The following ACOT11 variants were observed in gnomAD, a reference collection of about 807,000 sequenced individuals.
The protein encoded by ACOT11 is acyl-CoA thioesterase 11, also known as acyl-coenzyme A thioesterase 11.
ACOT11 carries 69 observed loss-of-function variants against 77.5 expected under a neutral mutation model. The ratio of observed to expected loss-of-function variants is 0.89; its 90% CI spans 0.73 to 1.09. ACOT11 has a LOEUF of 1.09. Ranked by LOEUF, ACOT11 falls within the 50% of genes least tolerant of loss-of-function variation. The pLI, the probability that ACOT11 is intolerant of heterozygous loss-of-function variation, is 0.00. For missense variants in ACOT11, 766 were observed against 813.7 expected, an observed-to-expected ratio of 0.94 and a Z score of 0.71; for synonymous variants, 279 against 313.0, an observed-to-expected ratio of 0.89 and a Z score of 1.15.
intron 1 of ACOT11, among the ~76,000 whole-genome samples, chr1:54,578,572 T>C (rs1354893856): frequency 6.6e-6 from 1 of 152,192 alleles, no homozygotes; most frequent in Admixed American, 6.5e-5. Context: ...TTAGTGAAGA[T>C]TTTCAGATTC....
Position 54,594,553 on chromosome 1 carries a change from C to G in ACOT11, c.472-3C>G, listed in dbSNP as rs1178719221. ...GTCCCCCACCCTGTCCCCTGGCCGA[C>G]AGGTGAAGCTGAAGCAGATCACGCC... is the stretch of plus-strand genomic sequence containing the variant. On this transcript the variant is annotated splice_region_variant and splice_polypyrimidine_tract_variant and intron_variant, in intron 5 of 15. Transcript: ENST00000343744. 1.9e-6 allele frequency: 3 copies of G among 1,611,808 alleles called. No homozygotes were observed. In the South Asian group the frequency reaches 3.3e-5, roughly 18 times the overall value.
Position 54,600,504 on chromosome 1 carries a change from G to A in ACOT11, c.885-765G>A, listed in dbSNP as rs551203094. On this transcript the variant is annotated intron_variant, in intron 8 of 15. Coordinates refer to ENST00000343744, the MANE Select transcript of ACOT11 (RefSeq NM_147161.4). Reference sequence around the variant, plus strand: ...TCAAGACTATCCTGGCCAACATGGCGAAACCCCGTCTCTATTAAATAAACA... The same window carrying A: ...TCAAGACTATCCTGGCCAACATGGCAAAACCCCGTCTCTATTAAATAAACA... Among the ~76,000 whole-genome samples the A allele has an allele frequency of 5.9e-5, 9 of 152,162 alleles. No individual in the cohort carries two copies. The South Asian group carries it at 8.3e-4, about 14-fold the overall frequency.
rs143281849 is a variant in ACOT11 at position 54,616,100 on chromosome 1, A to T, written c.1629+8032A>T. The stretch of plus-strand genomic sequence containing the variant: ...GTAGATAGTGGGGGGGTGTGCCATG[A>T]TGGGAACTCCTGTCTCATTGGCTGT... On this transcript the variant is annotated intron_variant, in intron 15 of 16. Transcript: ENST00000371316. 15 of 1,614,024 alleles carry T rather than the reference A, an allele frequency of 9.3e-6. No homozygotes were observed. The African/African-American group carries it at 1.5e-4, about 16-fold the overall frequency.
intron 5 of ACOT11, 72 bp from the exon 6 acceptor site, chr1:54,594,484 C>T: frequency 6.5e-7 from 1 of 1,538,534 alleles, no homozygotes; most frequent in Non-Finnish European, 8.8e-7. Context: ...TGGCATGGTG[C>T]TGGGGACAGG....
At chr1:54,591,539 A>G (rs61220655) in intron 3 of ACOT11, among the ~76,000 whole-genome samples, 7,851 of 152,296 alleles carry the variant, frequency 0.052, 661 homozygotes, top group African/African-American at 0.18. Context: ...GGCACTCTCC[A>G]TGTTCATGAG....
Position 54,610,070 on chromosome 1 carries a change from C to G in ACOT11, c.*958C>G. 1 of 1,438,786 alleles carries G rather than the reference C, an allele frequency of 7.0e-7. No homozygotes were observed. Among genetic ancestry groups the G allele is most frequent in the African/African-American group, 1.4e-5 (1 of 69,994 alleles). The allele number at this position is 1,438,786 out of a possible 1,614,324, so 89.1% of individuals were successfully genotyped here. A position where few individuals can be genotyped will look rare whatever the true frequency, so the allele number is the denominator to read the frequency against. On this transcript the variant is annotated 3_prime_UTR_variant, in exon 16 of 16. Transcript: ENST00000343744. ...CCTTGCCTCTCTGGAATCTGTCAAC[C>G]CAGTTTTGGGCTCCAGGTGGATGGG...
intron 1 of ACOT11, among the ~76,000 whole-genome samples, chr1:54,563,265 G>A (rs922097901): frequency 6.6e-6 from 1 of 152,238 alleles, no homozygotes; most frequent in African/African-American, 2.4e-5. Flanking sequence ...GGGATTATAG[G>A]TGTCAGCCAC....
chr1:54,618,158 T>C (rs1319102455), intron 15 of ACOT11, among the ~76,000 whole-genome samples: 1 of 152,120 alleles, frequency 6.6e-6, no homozygotes, highest in East Asian at 1.9e-4. Flanking sequence ...AACACTCTTC[T>C]CTCAACTTTA....
intron 1 of ACOT11, among the ~76,000 whole-genome samples, chr1:54,556,619 T>C (rs964057763): frequency 1.3e-5 from 2 of 152,104 alleles, no homozygotes; most frequent in Admixed American, 1.3e-4. Flanking sequence ...TCTCACTGTG[T>C]AGCCCAGGCT....
intron 15 of ACOT11, among the ~76,000 whole-genome samples, chr1:54,615,751 T>C (rs1644166260): frequency 6.6e-6 from 1 of 152,224 alleles, no homozygotes. Context: ...GGGAGCACTC[T>C]GAGCATGCGC....
chr1:54,608,831 A>C, intron 15 of ACOT11, 126 bp from the exon 16 acceptor site: 1 of 915,620 alleles, frequency 1.1e-6, no homozygotes, highest in Non-Finnish European at 1.7e-6. Context: ...GTTGGGTTGA[A>C]TATTCTGCCC....
chr1:54,638,426 C>G (rs1049679240), exon 17 of ACOT11: 1 of 152,176 alleles, frequency 6.6e-6, no homozygotes, highest in Admixed American at 6.5e-5. Context: ...GACGAAATCT[C>G]AGCTCACTGC....
In ACOT11 at chr1:54,576,123, G is replaced by A. The variant is rs114469936; in HGVS notation, c.34-8532G>A. 8.5e-3 allele frequency among the ~76,000 whole-genome samples: 1,287 copies of A among 152,268 alleles called. 18 individuals carry two copies. The highest frequency in any genetic ancestry group is 0.029 in the African/African-American group (1,217 of 41,534). ...AGGAGCTGGGGGTTGCTGATTGGCCGAGGAGTGAGGGGTGGAGTCATGGGA... is the reference window on the plus strand; with the variant it reads ...AGGAGCTGGGGGTTGCTGATTGGCCAAGGAGTGAGGGGTGGAGTCATGGGA... On this transcript the variant is annotated intron_variant, in intron 1 of 15. Transcript: ENST00000343744.
In ACOT11 at chr1:54,607,561, A is replaced by G. The variant is rs1553164910; in HGVS notation, c.1502+296A>G. On this transcript the variant is annotated intron_variant, in intron 14 of 15. Transcript: ENST00000343744. The surrounding 1 kb of genome is among the most constrained non-coding windows in gnomAD (Gnocchi z 4.5). ...TGGGCAGGATATTTCTCACGTGGCC[A>G]CCTCCTTGGCCTCCTCCCTCTGACA... is the stretch of plus-strand genomic sequence containing the variant. 6.6e-6 allele frequency among the ~76,000 whole-genome samples: 1 copy of G among 151,878 alleles called. No homozygotes were observed. The highest frequency in any genetic ancestry group is 1.5e-5 in the Non-Finnish European group (1 of 67,984).
rs750826672 is a variant in ACOT11, at chr1:54,609,975, A to G, written c.*863A>G. ...GGCGGCAGAGGCAACAGTGTTTAGG[A>G]TTTGGGTTATCATAAGGTGTTAAGA... is the stretch of plus-strand genomic sequence containing the variant. On this transcript the variant is annotated 3_prime_UTR_variant, in exon 16 of 16. Transcript: ENST00000343744. 1 of 1,580,476 alleles carries G rather than the reference A, an allele frequency of 6.3e-7. No homozygotes were observed.
At chr1:54,614,583 G>A (rs1254850006), downstream of ACOT11, 1 of 1,028,180 alleles carries the variant, frequency 9.7e-7, no homozygotes, top group Non-Finnish European at 1.4e-6. Context: ...GCTCAGAGGT[G>A]AGGCTATATA....
At chr1:54,597,141 A>G in intron 6 of ACOT11, 118 bp from the exon 7 acceptor site, 1 of 1,335,694 alleles carries the variant, frequency 7.5e-7, no homozygotes, top group Non-Finnish European at 1.0e-6. Flanking sequence ...GTGCTGAGTA[A>G]ATAAAAGAAC....
intron 1 of ACOT11, among the ~76,000 whole-genome samples, chr1:54,566,004 G>A (rs1023998619): frequency 6.6e-6 from 1 of 152,058 alleles, no homozygotes; most frequent in Non-Finnish European, 1.5e-5. Flanking sequence ...TCAAAAATCA[G>A]TGATAGCTTG....
At chr1:54,615,761 C>T (rs953263992) in intron 15 of ACOT11, among the ~76,000 whole-genome samples, 4 of 152,170 alleles carry the variant, frequency 2.6e-5, no homozygotes, top group African/African-American at 7.2e-5. Context: ...TGAGCATGCG[C>T]GGCACTTTGC....
Sources: gnomAD v4.1 joint callset for allele counts (sites outside exome capture counted in the v4.1 genomes callset) on GRCh38, gnomAD v4.1.1 for gene constraint, Gnocchi (gnomAD v3.1) non-coding constraint, MANE v1.5 for transcripts, NCBI Gene and HGNC (gene_info 2026-07-23, HGNC 2026-07-21) for gene names.